Variants in TMPRSS9 observed in about 807,000 individuals in gnomAD.
TMPRSS9 encodes the protein transmembrane serine protease 9, also known as transmembrane protease serine 9.
Under a neutral mutation model 111.4 loss-of-function variants are expected in TMPRSS9, and 113 were observed. The observed-to-expected ratio is 1.01, with a 90% confidence interval of 0.87 to 1.19. TMPRSS9 has a LOEUF of 1.19. Ranked by LOEUF, TMPRSS9 falls within the 50% of genes most tolerant of loss-of-function variation. The pLI, the probability that TMPRSS9 is intolerant of heterozygous loss-of-function variation, is 0.00. For missense variants in TMPRSS9, 1,803 were observed against 1,513.1 expected, an observed-to-expected ratio of 1.19 and a Z score of -3.18; for synonymous variants, 805 against 659.1, an observed-to-expected ratio of 1.22 and a Z score of -3.39.
chr19:2,364,798 A>G (rs1481940447), intron 1 of TMPRSS9, among the ~76,000 whole-genome samples: 1 of 151,876 alleles, frequency 6.6e-6, no homozygotes, highest in Non-Finnish European at 1.5e-5. Flanking sequence ...ATCCTGGCTA[A>G]CACGCTGAAA....
In TMPRSS9 at chr19:2,415,860, A is replaced by G; in HGVS notation, c.1745+19A>G. On this transcript the variant is annotated intron_variant, in intron 11 of 17. Transcript: ENST00000648592. The stretch of plus-strand genomic sequence containing the variant: ...TCAACCAGTAAGGCCCGCCTCCTCC[A>G]GGAAGGCTGCCCGGCTTCCCCTCCT... The G allele has an allele frequency of 1.8e-5, 28 of 1,555,136 alleles. No homozygotes were observed. Among genetic ancestry groups the G allele is most frequent in the Non-Finnish European group, 2.4e-5 (28 of 1,144,916 alleles).
At chr19:2,421,653 G>A (rs1302818219) in intron 13 of TMPRSS9, among the ~76,000 whole-genome samples, 2 of 152,126 alleles carry the variant, frequency 1.3e-5, no homozygotes, top group African/African-American at 2.4e-5. Flanking sequence ...CAAGAATGAT[G>A]GAAACTCAGA....
At chr19:2,406,136 G>A (rs1436007574) in intron 7 of TMPRSS9, among the ~76,000 whole-genome samples, 3 of 144,006 alleles carry the variant, frequency 2.1e-5, no homozygotes, top group East Asian at 2.1e-4. Flanking sequence ...TCAGCCTCCC[G>A]AGTAGCTGGG....
chr19:2,360,969 A>C (rs12986109), intron 1 of TMPRSS9, among the ~76,000 whole-genome samples: 104,754 of 147,830 alleles, frequency 0.71, 37,498 homozygotes, highest in Non-Finnish European at 0.75. Flanking sequence ...GATTCGGCCT[A>C]GTTCCTGGAG....
intron 1 of TMPRSS9, among the ~76,000 whole-genome samples, chr19:2,377,247 A>AC (rs1169333425): frequency 1.6e-3 from 15 of 9,502 alleles, no homozygotes; most frequent in Admixed American, 3.3e-3. Context: ...TTTTTACTGT[A>AC]TGTATGTATG....
intron 1 of TMPRSS9, among the ~76,000 whole-genome samples, chr19:2,367,883 G>A (rs1970260260): frequency 6.6e-6 from 1 of 151,818 alleles, no homozygotes; most frequent in African/African-American, 2.4e-5. Context: ...GCTAATTTTT[G>A]TATTTTTAGT....
intron 7 of TMPRSS9, among the ~76,000 whole-genome samples, 156 bp from the exon 9 acceptor site, chr19:2,408,200 G>A (rs1049716439): frequency 9.2e-5 from 14 of 152,130 alleles, no homozygotes; most frequent in Non-Finnish European, 2.1e-4. Context: ...TTACAGGCAT[G>A]AGCCACTGTG....
chr19:2,406,195 T>G (rs1431101287), intron 7 of TMPRSS9, among the ~76,000 whole-genome samples: 1 of 150,582 alleles, frequency 6.6e-6, no homozygotes, highest in African/African-American at 2.4e-5. Flanking sequence ...TTTTTTTGTA[T>G]TTTTAGTAGA....
intron 1 of TMPRSS9, among the ~76,000 whole-genome samples, chr19:2,367,418 GGA>G (rs1461766797): frequency 2.6e-5 from 4 of 151,682 alleles, no homozygotes; most frequent in African/African-American, 9.7e-5. Flanking sequence ...TTTTCAAGAT[GGA>G]GTCTTGCTCC....
chr19:2,422,293 T>C (rs1017971412), intron 14 of TMPRSS9, 46 bp downstream of exon 15: 1 of 1,486,616 alleles, frequency 6.7e-7, no homozygotes, highest in African/African-American at 1.4e-5. Flanking sequence ...GGGTCCCATG[T>C]TAATCAGCCT....
chr19:2,379,181 C>CTTTTTTTT (rs919990556), intron 1 of TMPRSS9, among the ~76,000 whole-genome samples: 26 of 99,418 alleles, frequency 2.6e-4, no homozygotes, highest in East Asian at 9.0e-4. Context: ...GCTTCTTTCT[C>CTTTTTTTT]TTTTTTTTTT....
intron 1 of TMPRSS9, among the ~76,000 whole-genome samples, chr19:2,362,990 A>G (rs1419783235): frequency 6.6e-6 from 1 of 152,000 alleles, no homozygotes; most frequent in Non-Finnish European, 1.5e-5. Flanking sequence ...CCCTCTTCCT[A>G]GTCTTCTCAT....
intron 1 of TMPRSS9, among the ~76,000 whole-genome samples, chr19:2,390,231 G>GTT (rs1198106187): frequency 0.025 from 2,787 of 110,322 alleles, 265 homozygotes; most frequent in African/African-American, 0.031. Flanking sequence ...ACCCAAAGTA[G>GTT]TTTTTTTTTT....
chr19:2,390,086 T>C (rs1296116769), intron 1 of TMPRSS9, among the ~76,000 whole-genome samples, 159 bp downstream of exon 2: 1 of 151,550 alleles, frequency 6.6e-6, no homozygotes, highest in Non-Finnish European at 1.5e-5. Flanking sequence ...GGGCGGGGAG[T>C]GGAGCAGATG....
intron 1 of TMPRSS9, among the ~76,000 whole-genome samples, chr19:2,372,144 C>T (rs1284351595): frequency 6.6e-6 from 1 of 152,178 alleles, no homozygotes; most frequent in Non-Finnish European, 1.5e-5. Context: ...GCGTGAGCCA[C>T]TGTGCCTGGC....
intron 5 of TMPRSS9, 55 bp from the exon 7 acceptor site, chr19:2,403,027 C>T: frequency 1.5e-6 from 2 of 1,378,702 alleles, no homozygotes; most frequent in Admixed American, 2.0e-5. Context: ...TGGTGCCTTA[C>T]TCCAACCAGG....
intron 1 of TMPRSS9, among the ~76,000 whole-genome samples, 161 bp downstream of exon 1, chr19:2,360,521 G>A (rs1168416086): frequency 6.6e-6 from 1 of 152,136 alleles, no homozygotes; most frequent in Non-Finnish European, 1.5e-5. Context: ...AGACACCACC[G>A]GGGTTGTGGA....
chr19:2,420,224 A>G (rs1278270212), intron 13 of TMPRSS9, among the ~76,000 whole-genome samples: 2 of 152,100 alleles, frequency 1.3e-5, no homozygotes, highest in Non-Finnish European at 2.9e-5. Context: ...AGATCACCTG[A>G]GGTAGGCAGT....
At chr19:2,365,815 T>A (rs1482119878) in intron 1 of TMPRSS9, among the ~76,000 whole-genome samples, 1 of 151,854 alleles carries the variant, frequency 6.6e-6, no homozygotes, top group East Asian at 1.9e-4. Flanking sequence ...ACTAAAAAAA[T>A]GAGCCAGGCA....
Sources: allele counts gnomAD v4.1 joint callset (sites outside exome capture counted in the v4.1 genomes callset), GRCh38; gene constraint gnomAD v4.1.1; transcripts MANE v1.5; gene names NCBI Gene and HGNC (gene_info 2026-07-23, HGNC 2026-07-21).